CCDC92: variants seen among roughly 807,000 people sequenced by gnomAD.
The protein encoded by CCDC92 is coiled-coil domain-containing protein 92.
Under a neutral mutation model 24.9 loss-of-function variants are expected in CCDC92, and 12 were observed. The observed-to-expected ratio is 0.48, with a 90% confidence interval of 0.31 to 0.78. The LOEUF is 0.78. Ranked by LOEUF, CCDC92 falls within the 30% of genes least tolerant of loss-of-function variation. The probability of loss-of-function intolerance (pLI) is 0.05; values close to 1 mark genes in which losing one functional copy is unlikely to be tolerated. For missense variants in CCDC92, 399 were observed against 439.4 expected (o/e 0.91, Z 0.82); for synonymous variants, 193 against 196.3 (o/e 0.98, Z 0.14).
chr12:123,947,592 G>A (rs1364464838), intron 1 of CCDC92, among the ~76,000 whole-genome samples: 1 of 152,160 alleles, frequency 6.6e-6, no homozygotes, highest in Non-Finnish European at 1.5e-5. Context: ...AGCTACTCTG[G>A]TGGGGCCTTG....
intron 1 of CCDC92, among the ~76,000 whole-genome samples, chr12:123,963,547 G>T (rs1956323591): frequency 1.3e-5 from 2 of 152,152 alleles, no homozygotes; most frequent in African/African-American, 4.8e-5. Flanking sequence ...CTTTTGCTTG[G>T]AAGAAAAAGG....
intron 1 of CCDC92, chr12:123,960,821 T>C (rs1956254556): frequency 6.6e-6 from 1 of 152,270 alleles, no homozygotes; most frequent in Non-Finnish European, 1.5e-5. Flanking sequence ...TTCCAAAGCC[T>C]AGTCGCCTAG....
intron 1 of CCDC92, among the ~76,000 whole-genome samples, chr12:123,955,956 G>A (rs1255771853): frequency 6.6e-6 from 1 of 152,164 alleles, no homozygotes; most frequent in Non-Finnish European, 1.5e-5. Context: ...TGTCATCTTG[G>A]ACAGTGTAAG....
intron 1 of CCDC92, chr12:123,961,008 G>C (rs1402802182): frequency 1.3e-5 from 2 of 152,246 alleles, no homozygotes; most frequent in African/African-American, 4.8e-5. Flanking sequence ...TTTCTAAAGT[G>C]CTCACTGTGT....
intron 1 of CCDC92, among the ~76,000 whole-genome samples, chr12:123,967,867 C>A (rs956635967): frequency 1.3e-5 from 2 of 152,162 alleles, no homozygotes; most frequent in Non-Finnish European, 2.9e-5. Context: ...AACTCTCTTA[C>A]CTGCATAGTA....
intron 3 of CCDC92, 133 bp downstream of exon 3, chr12:123,943,214 T>TA (rs3833499): frequency 0.31 from 280,011 of 896,472 alleles, 46,013 homozygotes; most frequent in Middle Eastern, 0.37. Flanking sequence ...ATGAGGATGA[T>TA]ATAAGGCATT....
At chr12:123,943,209 G>A (rs967403537) in intron 3 of CCDC92, 138 bp downstream of exon 3, 42 of 838,034 alleles carry the variant, frequency 5.0e-5, no homozygotes, top group Non-Finnish European at 7.0e-5. Context: ...ATGCAATGAG[G>A]ATGATATAAG....
intron 1 of CCDC92, among the ~76,000 whole-genome samples, chr12:123,963,348 C>G (rs574767807): frequency 6.6e-6 from 1 of 152,308 alleles, no homozygotes; most frequent in South Asian, 2.1e-4. Flanking sequence ...CATGCAGCAT[C>G]CCTCCCGTAC....
Position 123,937,826 on chromosome 12 carries a change from G to T in CCDC92, c.228C>A (p.Asp76Glu). 6.2e-7 allele frequency: 1 copy of T among 1,604,248 alleles called. No homozygotes were observed. The change falls in exon 5 of 5, where the codon GAC becomes GAA. Residue 76 changes from aspartate to glutamate, a missense_variant. By Grantham distance (45) the Asp-to-Glu change is conservative. Transcript: ENST00000238156. The surrounding 1 kb of genome is among the most constrained non-coding windows in gnomAD (Gnocchi z 8.4). ...LTVKSSEQTG[D>E]GTSKSSELKK... ...TTAATTCACTGCTTTTAGAAGTCCC[G>T]TCTCCTACAAGAATAAGCCGAGGAA...
chr12:123,942,901 C>T, intron 3 of CCDC92, 116 bp from the exon 4 acceptor site: 2 of 814,396 alleles, frequency 2.5e-6, no homozygotes, highest in East Asian at 2.5e-5. Context: ...CCAGACAGAG[C>T]AGGGTTTGGC....
At chr12:123,943,238 G>GC in intron 3 of CCDC92, 109 bp downstream of exon 3, 1 of 1,222,772 alleles carries the variant, frequency 8.2e-7, no homozygotes, top group Non-Finnish European at 1.1e-6. Context: ...ATGGACTCCT[G>GC]CAACGATGAT....
chr12:123,938,063 G>A (rs546224939), intron 4 of CCDC92, among the ~76,000 whole-genome samples: 1 of 152,192 alleles, frequency 6.6e-6, no homozygotes, highest in South Asian at 2.1e-4. Flanking sequence ...CTGCATAAAA[G>A]AATGTCTCTG....
chr12:123,968,121 C>G (rs1956436224), intron 1 of CCDC92: 1 of 152,166 alleles, frequency 6.6e-6, no homozygotes, highest in Admixed American at 6.5e-5. Flanking sequence ...TGGTGCTAAC[C>G]AATGGAAGTT....
At chr12:123,949,325 C>T (rs1955964286) in intron 1 of CCDC92, among the ~76,000 whole-genome samples, 1 of 152,236 alleles carries the variant, frequency 6.6e-6, no homozygotes, top group Non-Finnish European at 1.5e-5. Flanking sequence ...GAGGCAAATC[C>T]AATTTTGTTC....
intron 1 of CCDC92, among the ~76,000 whole-genome samples, chr12:123,964,090 A>G (rs1956335915): frequency 6.6e-6 from 1 of 152,268 alleles, no homozygotes; most frequent in Non-Finnish European, 1.5e-5. Context: ...GCAGAAATAT[A>G]CTACAGAAAT....
chr12:123,959,461 C>T (rs377616007), intron 1 of CCDC92, among the ~76,000 whole-genome samples: 6 of 152,080 alleles, frequency 3.9e-5, no homozygotes, highest in Admixed American at 6.6e-5. Context: ...TGCACCACCA[C>T]GCCCGGCTCA....
At chr12:123,963,421 CTGAG>C (rs1487682564) in intron 1 of CCDC92, among the ~76,000 whole-genome samples, 6 of 152,192 alleles carry the variant, frequency 3.9e-5, no homozygotes, top group Admixed American at 2.0e-4. Flanking sequence ...AGGAGCCTAT[CTGAG>C]TGAGTTTCTT....
At chr12:123,945,976 T>G (rs1955840639) in intron 1 of CCDC92, 1 of 173,158 alleles carries the variant, frequency 5.8e-6, no homozygotes, top group African/African-American at 2.4e-5. Flanking sequence ...GCCTTGACGC[T>G]GGCATCCCCC....
intron 1 of CCDC92, chr12:123,962,630 A>C (rs1215231053): frequency 6.5e-6 from 1 of 153,894 alleles, no homozygotes; most frequent in Admixed American, 6.5e-5. Context: ...GCGATTCAGA[A>C]GGCGGAACAG....
Sources: allele counts gnomAD v4.1 joint callset (sites outside exome capture counted in the v4.1 genomes callset), GRCh38; gene constraint gnomAD v4.1.1; non-coding constraint Gnocchi (gnomAD v3.1); transcripts MANE v1.5; gene names NCBI Gene and HGNC (gene_info 2026-07-23, HGNC 2026-07-21).